SPECC1L: variants seen among roughly 807,000 people sequenced by gnomAD.
SPECC1L encodes the protein sperm antigen with calponin homology and coiled-coil domains 1 like.
In SPECC1L, 40 loss-of-function variants were observed where a neutral mutation model predicts 116.8. That is an observed-to-expected ratio of 0.34 (90% CI 0.27 to 0.45). The LOEUF (loss-of-function observed/expected upper bound fraction) is 0.45. Among genes scored for constraint, SPECC1L ranks in the 20% least tolerant of loss-of-function variants. The pLI, the probability that SPECC1L is intolerant of heterozygous loss-of-function variation, is 1.00. For missense variants in SPECC1L, 1,110 were observed against 1,373.6 expected, an observed-to-expected ratio of 0.81 and a Z score of 3.03; for synonymous variants, 504 against 500.6, an observed-to-expected ratio of 1.01 and a Z score of -0.09.
rs1457978110 is a variant in SPECC1L at position 24,388,598 on chromosome 22, T to C, written c.3087+19278T>C. ...TGATTTATAATCCTTTGGGTATATA[T>C]CCAGTAATGGGATGGCTGGGTCAAA... On this transcript the variant is annotated intron_variant, in intron 14 of 16. Coordinates refer to ENST00000314328, the MANE Select transcript of SPECC1L (RefSeq NM_015330.6). Among the ~76,000 whole-genome samples, 9 of 152,196 alleles carry C rather than the reference T, an allele frequency of 5.9e-5. 1 individual carries two copies. The highest frequency in any genetic ancestry group is 1.2e-4 in the African/African-American group (5 of 41,530).
chr22:24,297,755 C>T (rs749962050), intron 2 of SPECC1L, among the ~76,000 whole-genome samples: 6 of 152,160 alleles, frequency 3.9e-5, no homozygotes, highest in Admixed American at 6.5e-5. Flanking sequence ...AAATCTTGTG[C>T]GGTCTCATTG....
chr22:24,287,433 G>C (rs919934187), intron 2 of SPECC1L, among the ~76,000 whole-genome samples: 5 of 152,194 alleles, frequency 3.3e-5, no homozygotes, highest in Non-Finnish European at 7.3e-5. Flanking sequence ...GAGTTGTCCA[G>C]CTGGACTTCT....
intron 2 of SPECC1L, among the ~76,000 whole-genome samples, chr22:24,286,392 G>A (rs921247174): frequency 7.2e-5 from 11 of 152,048 alleles, no homozygotes; most frequent in Non-Finnish European, 1.2e-4. Flanking sequence ...TGACATTCTC[G>A]CATGTAATTA....
chr22:24,365,463 CTA>C lies in SPECC1L; in HGVS notation c.2828-11_2828-10del, dbSNP rs753284760. The C allele has an allele frequency of 1.9e-4, 312 of 1,613,602 alleles. No homozygotes were observed. Among genetic ancestry groups the C allele is most frequent in the Non-Finnish European group, 2.5e-4 (296 of 1,179,796 alleles). ...GTTTTTGCTATAGAGTGCATAATGA[CTA>C]TTTCTCACAGTGTCTCGACGAAGTA... On this transcript the variant is annotated splice_polypyrimidine_tract_variant and intron_variant, in intron 12 of 16. Transcript: ENST00000314328.
intron 2 of SPECC1L, among the ~76,000 whole-genome samples, chr22:24,284,100 A>G (rs182760019): frequency 5.1e-4 from 78 of 151,928 alleles, no homozygotes; most frequent in African/African-American, 1.6e-3. Context: ...TTAGATGTTT[A>G]TTCTTTTCTT....
chr22:24,309,354 T>C (rs2049567342), intron 3 of SPECC1L, among the ~76,000 whole-genome samples: 1 of 152,206 alleles, frequency 6.6e-6, no homozygotes, highest in South Asian at 2.1e-4. Flanking sequence ...GTATAGAAAA[T>C]AGTTTTAGAA....
At chr22:24,305,056 G>C (rs2049464009) in intron 3 of SPECC1L, among the ~76,000 whole-genome samples, 1 of 152,162 alleles carries the variant, frequency 6.6e-6, no homozygotes. Flanking sequence ...TGCCTTTACA[G>C]AATTTTGTAG....
chr22:24,414,025 C>T (rs542770272), intron 16 of SPECC1L, among the ~76,000 whole-genome samples: 10 of 152,312 alleles, frequency 6.6e-5, no homozygotes, highest in African/African-American at 2.4e-4. Context: ...CCTAGAACAT[C>T]AGTTCACCGG....
chr22:24,273,811 T>A (rs962328632), intron 1 of SPECC1L, among the ~76,000 whole-genome samples: 1 of 152,190 alleles, frequency 6.6e-6, no homozygotes, highest in African/African-American at 2.4e-5. Flanking sequence ...CAGGCTGGAG[T>A]CTAATGGCAT....
intron 3 of SPECC1L, among the ~76,000 whole-genome samples, chr22:24,312,206 C>A (rs542948664): frequency 6.6e-6 from 1 of 152,266 alleles, no homozygotes; most frequent in South Asian, 2.1e-4. Context: ...CTCCTGGGCT[C>A]AAGTGATCCA....
At chr22:24,312,549 C>A (rs1384914035) in intron 3 of SPECC1L, among the ~76,000 whole-genome samples, 1 of 152,048 alleles carries the variant, frequency 6.6e-6, no homozygotes, top group Non-Finnish European at 1.5e-5. Flanking sequence ...CTTTTTTTCC[C>A]CCACATATCT....
At chr22:24,303,844 GGTGTGTGTGTGT>G (rs3031935) in intron 3 of SPECC1L, among the ~76,000 whole-genome samples, 64 of 144,086 alleles carry the variant, frequency 4.4e-4, no homozygotes, top group South Asian at 1.3e-3. Context: ...GTTTAAATAG[GGTGTGTGTGTGT>G]GTGTGTGTGT....
chr22:24,333,380 T>G (rs978704516), intron 8 of SPECC1L, among the ~76,000 whole-genome samples: 3 of 152,220 alleles, frequency 2.0e-5, no homozygotes, highest in African/African-American at 7.2e-5. Flanking sequence ...TACTTGATAG[T>G]TATATGACAT....
intron 12 of SPECC1L, among the ~76,000 whole-genome samples, chr22:24,365,006 T>G (rs542108690): frequency 2.6e-5 from 4 of 152,216 alleles, no homozygotes; most frequent in South Asian, 2.1e-4. Context: ...TTTTTTTGTT[T>G]GTTTGTTTTT....
chr22:24,326,657 T>C (rs2040827860), intron 6 of SPECC1L, among the ~76,000 whole-genome samples: 1 of 152,180 alleles, frequency 6.6e-6, no homozygotes, highest in Admixed American at 6.5e-5. Context: ...GATTATATCT[T>C]TCCTTTCCTT....
At chr22:24,307,481 C>T (rs1404363972) in intron 3 of SPECC1L, among the ~76,000 whole-genome samples, 4 of 152,102 alleles carry the variant, frequency 2.6e-5, no homozygotes, top group African/African-American at 9.7e-5. Flanking sequence ...CCCTCCCCTC[C>T]ACTTCATAAA....
rs375790508 is a variant in SPECC1L at position 24,330,271 on chromosome 22, T to C, written c.2236T>C (p.Trp746Arg). The C allele has an allele frequency of 6.2e-7, 1 of 1,614,170 alleles. No homozygotes were observed. The highest frequency in any genetic ancestry group is 8.5e-7 in the Non-Finnish European group (1 of 1,180,028). Residue 746 changes from tryptophan to arginine, a missense_variant, in exon 8 of 17, where the codon TGG becomes CGG. Trp to Arg is a moderately radical substitution (Grantham distance 101). This residue lies in a region of SPECC1L where 575 missense variants were observed against 682.4 expected (regional missense o/e 0.84). Coordinates refer to ENST00000314328, the MANE Select transcript of SPECC1L (RefSeq NM_015330.6). ...TTTAATATAGGAAGAATCTGCGGAATGGCGGCAGTTTCAGGCTGATCTCCA... is the reference window on the plus strand; with the variant it reads ...TTTAATATAGGAAGAATCTGCGGAACGGCGGCAGTTTCAGGCTGATCTCCA... ...HRRLREESAE[W>R]RQFQADLQTA... is the part of the protein sequence containing the mutation.
chr22:24,410,800 C>A (rs183983507), intron 14 of SPECC1L, among the ~76,000 whole-genome samples: 1 of 152,086 alleles, frequency 6.6e-6, no homozygotes, highest in Non-Finnish European at 1.5e-5. Flanking sequence ...CATGTGTGGG[C>A]GCACTTTGAG....
intron 14 of SPECC1L, among the ~76,000 whole-genome samples, chr22:24,407,769 T>C (rs2042620432): frequency 6.6e-6 from 1 of 152,188 alleles, no homozygotes; most frequent in Non-Finnish European, 1.5e-5. Flanking sequence ...CAAGGGGACC[T>C]TGCATTTTCA....
Sources: gnomAD v4.1 joint callset for allele counts (sites outside exome capture counted in the v4.1 genomes callset) on GRCh38, gnomAD v4.1.1 for gene constraint, gnomAD v4.1.1 regional missense constraint, MANE v1.5 for transcripts, NCBI Gene and HGNC (gene_info 2026-07-23, HGNC 2026-07-21) for gene names.